CCSER1: variants seen among roughly 807,000 people sequenced by gnomAD.
The protein encoded by CCSER1 is serine-rich coiled-coil domain-containing protein 1.
Under a neutral mutation model 82.0 loss-of-function variants are expected in CCSER1, and 41 were observed. The ratio of observed to expected loss-of-function variants is 0.50; its 90% confidence interval spans 0.39 to 0.65. The LOEUF is 0.65. CCSER1 is among the 30% of genes least tolerant of loss of function. The pLI is 0.00. For missense variants in CCSER1, 1,119 were observed against 1,064.2 expected (o/e 1.05, Z -0.72); for synonymous variants, 414 against 383.9 (o/e 1.08, Z -0.92).
At chr4:90,243,525 G>A (rs1720790907) in intron 1 of CCSER1, among the ~76,000 whole-genome samples, 1 of 151,636 alleles carries the variant, frequency 6.6e-6, no homozygotes, top group African/African-American at 2.4e-5. Context: ...GGGATTACAG[G>A]TGTGAGCCAC....
At chr4:90,506,439 T>C (rs916704401) in intron 5 of CCSER1, among the ~76,000 whole-genome samples, 2 of 152,164 alleles carry the variant, frequency 1.3e-5, no homozygotes, top group African/African-American at 4.8e-5. Context: ...ATTTTTTAAT[T>C]CATCCAAATA....
intron 10 of CCSER1, among the ~76,000 whole-genome samples, chr4:91,497,698 A>T (rs1000013902): frequency 6.6e-6 from 1 of 151,840 alleles, no homozygotes; most frequent in African/African-American, 2.4e-5. Flanking sequence ...TTAGGATAGG[A>T]TAGGTTTTCT....
At chr4:90,915,298 A>C (rs1727163708) in intron 8 of CCSER1, among the ~76,000 whole-genome samples, 1 of 152,196 alleles carries the variant, frequency 6.6e-6, no homozygotes. Flanking sequence ...CCAGCAACAC[A>C]TCAAAAAGCT....
intron 10 of CCSER1, among the ~76,000 whole-genome samples, chr4:91,438,418 G>C (rs918151031): frequency 2.0e-5 from 3 of 152,110 alleles, no homozygotes; most frequent in Non-Finnish European, 4.4e-5. Flanking sequence ...CTGCAGCTGA[G>C]GGTCCTGTCT....
chr4:90,320,526 A>G lies in CCSER1; in HGVS notation c.1509+7479A>G, dbSNP rs10016555. On this transcript the variant is annotated intron_variant, in intron 3 of 10. Transcript: ENST00000509176. ...CTAGGATTATATGAGTACGATAGTT[A>G]TAAACTGGCCATACAATGAGGACAA... Among the ~76,000 whole-genome samples, 1,096 of 152,292 alleles carry G rather than the reference A, an allele frequency of 7.2e-3. 11 individuals are homozygous for G. The highest frequency in any genetic ancestry group is 0.025 in the African/African-American group (1,057 of 41,574).
intron 7 of CCSER1, among the ~76,000 whole-genome samples, chr4:90,732,303 C>T (rs953708424): frequency 3.9e-5 from 6 of 152,080 alleles, no homozygotes; most frequent in Non-Finnish European, 7.4e-5. Flanking sequence ...CAGAGTGTGT[C>T]GACAGTCCCT....
intron 5 of CCSER1, among the ~76,000 whole-genome samples, chr4:90,484,372 C>T (rs1766625551): frequency 6.6e-6 from 1 of 152,124 alleles, no homozygotes; most frequent in South Asian, 2.1e-4. Flanking sequence ...TCTCTCAACT[C>T]ATCAAAGTCA....
chr4:91,303,916 G>A (rs887738969), intron 10 of CCSER1, among the ~76,000 whole-genome samples: 5 of 151,908 alleles, frequency 3.3e-5, no homozygotes, highest in Admixed American at 2.6e-4. Flanking sequence ...CAGGGTGGGA[G>A]GATATATAGA....
At chr4:90,370,398 A>G (rs1050049567) in intron 3 of CCSER1, 5 of 152,136 alleles carry the variant, frequency 3.3e-5, no homozygotes, top group Non-Finnish European at 7.4e-5. Flanking sequence ...CTAGAAAATT[A>G]AGTATAAATG....
chr4:91,219,308 C>CTTTTTTT (rs59884169), intron 10 of CCSER1, among the ~76,000 whole-genome samples: 2 of 99,894 alleles, frequency 2.0e-5, no homozygotes, highest in Non-Finnish European at 1.9e-5. Flanking sequence ...TACAGTTTGG[C>CTTTTTTT]TTTTTTTTTT....
intron 10 of CCSER1, among the ~76,000 whole-genome samples, chr4:91,431,765 C>A (rs1039074864): frequency 2.6e-5 from 4 of 152,164 alleles, no homozygotes; most frequent in Non-Finnish European, 5.9e-5. Context: ...CCAAGCCCGG[C>A]CTCTTCCCAT....
At chr4:91,271,425 C>G (rs1742014383) in intron 10 of CCSER1, among the ~76,000 whole-genome samples, 2 of 152,168 alleles carry the variant, frequency 1.3e-5, no homozygotes, top group Admixed American at 6.5e-5. Flanking sequence ...CCTTCCCACC[C>G]TTTCCTCCTG....
intron 10 of CCSER1, among the ~76,000 whole-genome samples, chr4:91,157,769 C>T (rs1730960294): frequency 6.6e-6 from 1 of 151,960 alleles, no homozygotes; most frequent in Non-Finnish European, 1.5e-5. Flanking sequence ...ACCCTATCCC[C>T]CTGGCATATT....
At chr4:90,432,898 C>T (rs1249766495) in intron 4 of CCSER1, among the ~76,000 whole-genome samples, 1 of 152,074 alleles carries the variant, frequency 6.6e-6, no homozygotes, top group Non-Finnish European at 1.5e-5. Context: ...TGTTTTTCTG[C>T]CTTCCTCAAA....
intron 10 of CCSER1, among the ~76,000 whole-genome samples, chr4:91,414,402 A>C (rs191645396): frequency 5.3e-5 from 8 of 152,246 alleles, no homozygotes; most frequent in Admixed American, 3.9e-4. Flanking sequence ...CCCAATGGTG[A>C]CTGTAAGGAA....
At chr4:91,057,935 C>A (rs1172728833) in intron 9 of CCSER1, among the ~76,000 whole-genome samples, 3 of 152,070 alleles carry the variant, frequency 2.0e-5, no homozygotes, top group Non-Finnish European at 4.4e-5. Context: ...AAATAAATGG[C>A]CAAGGTAACA....
intron 3 of CCSER1, among the ~76,000 whole-genome samples, chr4:90,369,857 C>T (rs1747069387): frequency 6.6e-6 from 1 of 152,026 alleles, no homozygotes; most frequent in Non-Finnish European, 1.5e-5. Flanking sequence ...CTTAGCAGCA[C>T]TTTTAAACTT....
chr4:90,603,775 G>A (rs150757832), intron 5 of CCSER1, among the ~76,000 whole-genome samples: 32 of 152,208 alleles, frequency 2.1e-4, no homozygotes, highest in Non-Finnish European at 4.1e-4. Context: ...AAAAGCAGTT[G>A]CTTTCCAGGG....
intron 8 of CCSER1, among the ~76,000 whole-genome samples, chr4:90,917,098 T>C (rs1270862335): frequency 6.6e-6 from 1 of 152,166 alleles, no homozygotes; most frequent in Admixed American, 6.6e-5. Flanking sequence ...ATTGTGGAAG[T>C]CTGTGTGGCA....
Sources: allele counts gnomAD v4.1 joint callset (sites outside exome capture counted in the v4.1 genomes callset), GRCh38; gene constraint gnomAD v4.1.1; transcripts MANE v1.5; gene names NCBI Gene and HGNC (gene_info 2026-07-23, HGNC 2026-07-21).